Variants in OR6N1 observed in about 807,000 individuals in gnomAD.
OR6N1 encodes the protein olfactory receptor 6N1.
For missense variants in OR6N1, 394 were observed against 371.7 expected, an observed-to-expected ratio of 1.06 and a Z score of -0.49; for synonymous variants, 170 against 150.7, an observed-to-expected ratio of 1.13 and a Z score of -0.94.
the OR6N1 span, among the ~76,000 whole-genome samples, chr1:158,835,715 A>C: frequency 1.3e-5 from 2 of 151,930 alleles, no homozygotes; most frequent in African/African-American, 2.4e-5. Flanking sequence ...GAGCAAGAGA[A>C]ATGTTTTCAG....
chr1:158,830,411 T>C, the OR6N1 span, among the ~76,000 whole-genome samples: 2 of 152,176 alleles, frequency 1.3e-5, no homozygotes, highest in East Asian at 3.8e-4. Context: ...CAATCAGCTT[T>C]ATTCTTCTCT....
chr1:158,808,121 CTTTTTTTTTTTTTTTTTTTTTTTT>C, the OR6N1 span, among the ~76,000 whole-genome samples: 3 of 39,546 alleles, frequency 7.6e-5, no homozygotes, highest in Admixed American at 4.6e-4. Context: ...CAATGACTGC[CTTTTTTTTTTTTTTTTTTTTTTTT>C]TTTTTTTTTT....
At chr1:158,770,575 G>T (rs1657399227) in intron 1 of OR6N1, among the ~76,000 whole-genome samples, 1 of 151,992 alleles carries the variant, frequency 6.6e-6, no homozygotes, top group Non-Finnish European at 1.5e-5. Flanking sequence ...CTTTCCAGTG[G>T]CCCCCATAAT....
chr1:158,777,679 G>GCAGTC, the OR6N1 span: 6 of 1,284,396 alleles, frequency 4.7e-6, no homozygotes, highest in Non-Finnish European at 6.6e-6. Context: ...ATTGGATTGA[G>GCAGTC]ATGACTGCTG....
the OR6N1 span, among the ~76,000 whole-genome samples, chr1:158,790,741 G>C: frequency 6.6e-6 from 1 of 152,176 alleles, no homozygotes; most frequent in African/African-American, 2.4e-5. Context: ...GATTGCTTTA[G>C]ATAGCTTTGA....
At position 158,766,028 on chromosome 1, in the gene OR6N1, C is replaced by T. The variant is rs368576348; in HGVS notation, c.655G>A (p.Val219Met). The T allele has an allele frequency of 1.1e-4, 173 of 1,614,046 alleles. No individual in the cohort carries two copies. The highest frequency in any genetic ancestry group is 1.4e-4 in the Non-Finnish European group (163 of 1,180,042). ...CTGAGCACTGTGCAGATGATCTGCA[C>T]ATAGGAGCAGAGGATCAGCAGGAAG... ...ATFLLILCSY[V>M]QIICTVLRIP... Residue 219 changes from valine (V) to methionine (M), a missense_variant, in exon 2 of 2, where the codon GTG (valine) becomes ATG (methionine). By Grantham distance (21) the Val-to-Met change is conservative. Coordinates refer to ENST00000641846, the MANE Select transcript of OR6N1 (RefSeq NM_001005185.2).
chr1:158,777,354 A>T, the OR6N1 span: 1 of 1,614,238 alleles, frequency 6.2e-7, no homozygotes, highest in African/African-American at 1.3e-5. Context: ...GGCATCCTGC[A>T]AAAGAAATGG....
chr1:158,818,518 T>C, the OR6N1 span, among the ~76,000 whole-genome samples: 1 of 152,134 alleles, frequency 6.6e-6, no homozygotes, highest in African/African-American at 2.4e-5. Flanking sequence ...AAGTAGGAGC[T>C]TGCTTGAGTG....
the OR6N1 span, among the ~76,000 whole-genome samples, chr1:158,813,855 C>T: frequency 2.6e-5 from 4 of 151,738 alleles, no homozygotes; most frequent in South Asian, 2.1e-4. Flanking sequence ...GCTCCATGCC[C>T]GGTTGATTTT....
chr1:158,805,270 G>A, the OR6N1 span, among the ~76,000 whole-genome samples: 42 of 152,334 alleles, frequency 2.8e-4, no homozygotes, highest in Admixed American at 1.0e-3. Flanking sequence ...CCTTTCAGAC[G>A]TGACTGCTTC....
the OR6N1 span, among the ~76,000 whole-genome samples, chr1:158,800,059 A>C: frequency 0.12 from 17,609 of 152,232 alleles, 1,352 homozygotes; most frequent in Middle Eastern, 0.21. Context: ...TCTGTTTCTA[A>C]GTTGCCATGT....
chr1:158,824,078 TGA>T, the OR6N1 span, among the ~76,000 whole-genome samples: 1 of 152,126 alleles, frequency 6.6e-6, no homozygotes, highest in East Asian at 1.9e-4. Flanking sequence ...AGAGTGTGGT[TGA>T]TATGTGATAT....
the OR6N1 span, among the ~76,000 whole-genome samples, chr1:158,833,152 G>C: frequency 6.6e-6 from 1 of 152,064 alleles, no homozygotes; most frequent in Non-Finnish European, 1.5e-5. Context: ...TTTTAAGATA[G>C]TAAAAACACT....
the OR6N1 span, chr1:158,831,362 G>A: frequency 2.0e-5 from 3 of 152,236 alleles, no homozygotes; most frequent in Middle Eastern, 3.4e-3. Context: ...GTGTAAGAAG[G>A]CCATCTACAA....
the OR6N1 span, among the ~76,000 whole-genome samples, chr1:158,798,913 C>A: frequency 1.3e-5 from 2 of 152,120 alleles, no homozygotes; most frequent in Non-Finnish European, 2.9e-5. Flanking sequence ...ACACACAAAC[C>A]GGGCAGGCTG....
the OR6N1 span, among the ~76,000 whole-genome samples, chr1:158,782,539 A>G: frequency 6.6e-6 from 1 of 152,190 alleles, no homozygotes; most frequent in Non-Finnish European, 1.5e-5. Flanking sequence ...TTTCTGTAAG[A>G]GAGTGTTAGA....
the OR6N1 span, among the ~76,000 whole-genome samples, chr1:158,823,102 T>C: frequency 4.6e-5 from 7 of 152,170 alleles, no homozygotes; most frequent in Admixed American, 4.6e-4. Context: ...GATGCTGGAT[T>C]TAATTTGCTA....
the OR6N1 span, among the ~76,000 whole-genome samples, chr1:158,811,080 T>C: frequency 6.6e-6 from 1 of 152,340 alleles, no homozygotes; most frequent in East Asian, 1.9e-4. Flanking sequence ...TTCTCCTCTA[T>C]GTGTCCATGT....
At chr1:158,835,528 G>A in the OR6N1 span, among the ~76,000 whole-genome samples, 656 of 147,874 alleles carry the variant, frequency 4.4e-3, 3 homozygotes, top group African/African-American at 0.015. Context: ...CCACATATAA[G>A]ATCATATCAC....
Sources: gnomAD v4.1 joint callset for allele counts (sites outside exome capture counted in the v4.1 genomes callset) on GRCh38, gnomAD v4.1.1 for gene constraint, MANE v1.5 for transcripts, NCBI Gene and HGNC (gene_info 2026-07-23, HGNC 2026-07-21) for gene names.